Variants in PCDHA9 observed in about 807,000 individuals in gnomAD.
The protein encoded by PCDHA9 is protocadherin alpha-9.
PCDHA9 carries 62 observed loss-of-function variants against 62.0 expected under a neutral mutation model. That is an observed-to-expected ratio of 1.00 (90% CI 0.81 to 1.23). The LOEUF is 1.23. Ranked by LOEUF, PCDHA9 falls within the 50% of genes most tolerant of loss-of-function variation. PCDHA9 has a pLI of 0.00. For synonymous variants in PCDHA9, 557 were observed against 567.6 expected, an observed-to-expected ratio of 0.98 and a Z score of 0.27; for missense variants, 1,205 against 1,249.8, an observed-to-expected ratio of 0.96 and a Z score of 0.54.
At chr5:140,979,257 C>T (rs1454477008) in intron 2 of PCDHA9, among the ~76,000 whole-genome samples, 1 of 152,194 alleles carries the variant, frequency 6.6e-6, no homozygotes, top group Non-Finnish European at 1.5e-5. Flanking sequence ...TATGTATTTT[C>T]TCCCATCAAA....
chr5:140,849,984 C>T lies in PCDHA9; in HGVS notation c.1489C>T (p.Arg497Trp), dbSNP rs2150461471. 2 of 1,597,296 alleles carry T rather than the reference C, an allele frequency of 1.3e-6. No individual in the cohort carries two copies. The highest frequency in any genetic ancestry group is 1.7e-6 in the Non-Finnish European group (2 of 1,167,868). Residue 497 changes from arginine to tryptophan, a missense_variant, in exon 1 of 4, where the codon CGG becomes TGG. Physicochemically the swap from Arg to Trp is moderately radical, Grantham distance 101. Coordinates refer to ENST00000532602, the MANE Select transcript of PCDHA9 (RefSeq NM_031857.2). Reference sequence around the variant, plus strand: ...CCTGGTGTCCTACTCGCTGGTGGAGCGGCGGTTGGGCGAGCGCTCGCTGTC... The same window carrying T: ...CCTGGTGTCCTACTCGCTGGTGGAGTGGCGGTTGGGCGAGCGCTCGCTGTC... ...NALVSYSLVE[R>W]RLGERSLSSY...
intron 1 of PCDHA9, among the ~76,000 whole-genome samples, chr5:140,897,318 A>T (rs1420123207): frequency 1.4e-5 from 2 of 145,668 alleles, no homozygotes; most frequent in African/African-American, 2.5e-5. Flanking sequence ...TATCTCCTAA[A>T]GCTATCCCTC....
intron 1 of PCDHA9, chr5:140,884,365 CT>C (rs1264541175): frequency 6.2e-7 from 1 of 1,613,846 alleles, no homozygotes; most frequent in Non-Finnish European, 8.5e-7. Context: ...TCAATGTTTA[CT>C]TGATCATTGC....
rs182574783 is a variant in PCDHA9, at chr5:140,952,922, G to A, written c.2395-26027G>A. Among the ~76,000 whole-genome samples the A allele has an allele frequency of 2.3e-3, 351 of 152,216 alleles. 2 individuals carry two copies. Among genetic ancestry groups the A allele is most frequent in the Admixed American group, 5.6e-3 (85 of 15,264 alleles). Reference sequence around the variant, plus strand: ...ATCAAGCTCATCTTACATGGCATGAGCAGGAGCAGGAGCAAGAGAGAGAGA... The same window carrying A: ...ATCAAGCTCATCTTACATGGCATGAACAGGAGCAGGAGCAAGAGAGAGAGA... On this transcript the variant is annotated intron_variant, in intron 1 of 3. Transcript: ENST00000532602.
At chr5:140,937,821 A>G (rs1270019197) in intron 1 of PCDHA9, among the ~76,000 whole-genome samples, 2 of 151,608 alleles carry the variant, frequency 1.3e-5, no homozygotes, top group Non-Finnish European at 2.9e-5. Flanking sequence ...CTGAGGCAGG[A>G]GAATGGCATG....
intron 1 of PCDHA9, chr5:140,882,313 G>A (rs2059060330): frequency 1.2e-6 from 2 of 1,614,128 alleles, no homozygotes; most frequent in Non-Finnish European, 1.7e-6. Flanking sequence ...GGCAACTACT[G>A]CTCTGGCTTC....
chr5:140,980,015 G>A (rs1164072132), intron 2 of PCDHA9, among the ~76,000 whole-genome samples: 2 of 152,192 alleles, frequency 1.3e-5, no homozygotes, highest in East Asian at 3.9e-4. Flanking sequence ...CATTACAAAT[G>A]AGCAGAAATC....
chr5:140,947,543 G>A (rs1013985097), intron 1 of PCDHA9, among the ~76,000 whole-genome samples: 1 of 151,548 alleles, frequency 6.6e-6, no homozygotes, highest in African/African-American at 2.4e-5. Context: ...TTTCTACAAA[G>A]AATTCCGCTG....
At chr5:140,985,818 C>T (rs1377098916) in intron 3 of PCDHA9, among the ~76,000 whole-genome samples, 1 of 142,038 alleles carries the variant, frequency 7.0e-6, no homozygotes, top group Non-Finnish European at 1.5e-5. Flanking sequence ...CAGCTCACAA[C>T]AAGCTCTGCC....
chr5:140,996,196 A>G (rs2097716509), intron 3 of PCDHA9, among the ~76,000 whole-genome samples: 2 of 152,216 alleles, frequency 1.3e-5, no homozygotes, highest in South Asian at 2.1e-4. Context: ...TATACCCTCA[A>G]TGCAAGGATA....
Position 140,850,172 on chromosome 5 carries a change from C to T in PCDHA9, c.1677C>T (p.Asn559=), listed in dbSNP as rs2150470572. The T allele has an allele frequency of 5.0e-6, 8 of 1,594,262 alleles. 1 individual carries two copies. In the Admixed American group the frequency reaches 6.7e-5, roughly 13 times the overall value. The change falls in exon 1 of 4, where the codon AAC becomes AAT. Residue 559 remains asparagine (N), a synonymous_variant. Coordinates refer to ENST00000532602, the MANE Select transcript of PCDHA9 (RefSeq NM_031857.2). ...VTLQVFVLDE[N]DNAPALLTPR... The stretch of plus-strand genomic sequence containing the variant: ...TGCAGGTGTTCGTGCTGGACGAGAA[C>T]GACAATGCGCCGGCGCTGCTGACAC...
In PCDHA9 at chr5:140,941,191, T is replaced by C. The variant is rs184104978; in HGVS notation, c.2395-37758T>C. Among the ~76,000 whole-genome samples the C allele has an allele frequency of 2.1e-3, 199 of 93,252 alleles. 3 individuals are homozygous for C. Among genetic ancestry groups the C allele is most frequent in the South Asian group, 0.011 (39 of 3,542 alleles). The allele number at this position is 93,252 out of a possible 152,430, so 61.2% of individuals were successfully genotyped here. A position where few individuals can be genotyped will look rare whatever the true frequency, so the allele number is the denominator to read the frequency against. On this transcript the variant is annotated intron_variant, in intron 1 of 3. Transcript: ENST00000532602. ...CATCTTGAACATCCTGCTTCTTTTT[T>C]TTTCTTTCTTCCTTTCTTTCTTCCT...
rs1433217072 is a variant in PCDHA9, at chr5:140,850,152, G to A, written c.1657G>A (p.Val553Met). ...TCTGGGCAGCAACGTGACGCTGCAG[G>A]TGTTCGTGCTGGACGAGAACGACAA... ...PPLGSNVTLQ[V>M]FVLDENDNAP... Residue 553 changes from valine to methionine, a missense_variant, in exon 1 of 4, where the codon GTG becomes ATG. Coordinates refer to ENST00000532602, the MANE Select transcript of PCDHA9 (RefSeq NM_031857.2). The A allele has an allele frequency of 6.3e-7, 1 of 1,595,430 alleles. No individual in the cohort carries two copies. Among genetic ancestry groups the A allele is most frequent in the Non-Finnish European group, 8.6e-7 (1 of 1,167,856 alleles).
At chr5:140,890,276 TC>T (rs1173106367) in intron 1 of PCDHA9, among the ~76,000 whole-genome samples, 2 of 152,136 alleles carry the variant, frequency 1.3e-5, no homozygotes, top group Non-Finnish European at 2.9e-5. Context: ...CAAGAACCAC[TC>T]AGTTGAGTCA....
At chr5:141,006,644 T>C (rs1411431797) in intron 3 of PCDHA9, among the ~76,000 whole-genome samples, 3 of 152,084 alleles carry the variant, frequency 2.0e-5, no homozygotes, top group African/African-American at 7.2e-5. Context: ...ATATAAGAGA[T>C]GATGGTGTCC....
intron 1 of PCDHA9, among the ~76,000 whole-genome samples, chr5:140,900,374 T>TCAAGAA (rs1554189115): frequency 1.3e-5 from 2 of 151,622 alleles, no homozygotes; most frequent in Non-Finnish European, 2.9e-5. Flanking sequence ...GCCTCCTGGG[T>TCAAGAA]TCAAGCGATT....
chr5:140,945,800 C>T (rs1411676680), intron 1 of PCDHA9, among the ~76,000 whole-genome samples: 1 of 152,026 alleles, frequency 6.6e-6, no homozygotes, highest in African/African-American at 2.4e-5. Flanking sequence ...TGAAACTAGA[C>T]CCTTATCTCA....
At chr5:141,001,607 A>G (rs1554258244) in intron 3 of PCDHA9, among the ~76,000 whole-genome samples, 1 of 152,078 alleles carries the variant, frequency 6.6e-6, no homozygotes, top group African/African-American at 2.4e-5. Flanking sequence ...AGGTTTGCCC[A>G]ATTCATAAAG....
rs1193059751 is a variant in PCDHA9 at position 140,857,644 on chromosome 5, C to G, written c.2394+6755C>G. ...ACGAGGAGCTGGAGCTGCTACAGTT[C>G]CAGGTGAGCGCGCGCGATGGGGGCG... On this transcript the variant is annotated intron_variant, in intron 1 of 3. Coordinates refer to ENST00000532602, the MANE Select transcript of PCDHA9 (RefSeq NM_031857.2). 9 of 1,596,322 alleles carry G rather than the reference C, an allele frequency of 5.6e-6. 1 individual carries two copies. Among genetic ancestry groups the G allele is most frequent in the Non-Finnish European group, 7.7e-6 (9 of 1,167,662 alleles).
Sources: allele counts gnomAD v4.1 joint callset (sites outside exome capture counted in the v4.1 genomes callset), GRCh38; gene constraint gnomAD v4.1.1; transcripts MANE v1.5; gene names NCBI Gene and HGNC (gene_info 2026-07-23, HGNC 2026-07-21).